PAPLN: variants seen among roughly 807,000 people sequenced by gnomAD.
PAPLN encodes papilin.
A neutral mutation model predicts 159.0 loss-of-function variants in PAPLN; 146 were observed. That is an observed-to-expected ratio of 0.92 (90% CI 0.80 to 1.05). PAPLN has a LOEUF of 1.05. Among genes scored for constraint, PAPLN ranks in the 50% least tolerant of loss-of-function variants. The pLI, the probability that PAPLN is intolerant of heterozygous loss-of-function variation, is 0.00. For missense variants in PAPLN, 1,720 were observed against 1,743.9 expected (o/e 0.99, Z 0.24); for synonymous variants, 734 against 702.9 (o/e 1.04, Z -0.70).
At chr14:73,254,142 C>T (rs947651748) in intron 12 of PAPLN, among the ~76,000 whole-genome samples, 181 bp downstream of exon 12, 2 of 152,182 alleles carry the variant, frequency 1.3e-5, no homozygotes, top group African/African-American at 4.8e-5. Flanking sequence ...TGGTCCAGGG[C>T]TCTTCCTTTT....
intron 14 of PAPLN, 95 bp downstream of exon 14, chr14:73,255,113 G>A (rs1885752852): frequency 3.4e-6 from 5 of 1,471,764 alleles, no homozygotes; most frequent in Non-Finnish European, 4.6e-6. Flanking sequence ...GCCTCTGCCT[G>A]CACTGTGTCA....
At chr14:73,247,889 CGT>C (rs71112721) in intron 5 of PAPLN, among the ~76,000 whole-genome samples, 1,137 of 19,780 alleles carry the variant, frequency 0.057, 39 homozygotes, top group Non-Finnish European at 0.066. Context: ...TCATATCCTC[CGT>C]GTGTGTGTGT....
At chr14:73,246,638 C>T (rs1290014600) in intron 5 of PAPLN, among the ~76,000 whole-genome samples, 33 of 123,298 alleles carry the variant, frequency 2.7e-4, no homozygotes, top group South Asian at 5.3e-4. Context: ...CTTTTTCTTT[C>T]TTTCTTTTTT....
In PAPLN at chr14:73,265,012, TG is replaced by T. The variant is rs962857715; in HGVS notation, c.3125+288del. ...GGCTTCTTTGAGGAGCGTCTTGAGC[TG>T]GCCTTGAGGAATGGTTCAGTTTACA... On this transcript the variant is annotated intron_variant, in intron 22 of 26. Transcript: ENST00000644200. The surrounding 1 kb of genome is among the most constrained non-coding windows in gnomAD (Gnocchi z 4.1). Among the ~76,000 whole-genome samples the T allele has an allele frequency of 4.6e-5, 7 of 151,978 alleles. No homozygotes were observed. Among genetic ancestry groups the T allele is most frequent in the African/African-American group, 1.7e-4 (7 of 41,346 alleles).
rs1887849373 is a variant in PAPLN, at chr14:73,272,703, A to G, written c.*39A>G. The G allele has an allele frequency of 6.7e-7, 1 of 1,497,000 alleles. No homozygotes were observed. The highest frequency in any genetic ancestry group is 1.4e-5 in the African/African-American group (1 of 72,520). The allele number at this position is 1,497,000 out of a possible 1,614,324, so 92.7% of individuals were successfully genotyped here. ...TTCCAGCCCCAGTCCAAAATAGTTC[A>G]TAGGGCTAGGGAGAAAGGAAGATGG... On this transcript the variant is annotated 3_prime_UTR_variant, in exon 27 of 27. Coordinates refer to ENST00000644200, the MANE Select transcript of PAPLN (RefSeq NM_001365906.3).
chr14:73,263,798 C>G lies in PAPLN; in HGVS notation c.2861+16C>G. 1 of 1,594,422 alleles carries G rather than the reference C, an allele frequency of 6.3e-7. No homozygotes were observed. The highest frequency in any genetic ancestry group is 1.7e-5 in the Admixed American group (1 of 59,374). ...CCTCTGACAGGTGGGTGAGAGTCCCCCCACCTCCTCTGACAGGTGTGACAG... is the reference window on the plus strand; with the variant it reads ...CCTCTGACAGGTGGGTGAGAGTCCCGCCACCTCCTCTGACAGGTGTGACAG... On this transcript the variant is annotated intron_variant, in intron 20 of 26. Coordinates refer to ENST00000644200, the MANE Select transcript of PAPLN (RefSeq NM_001365906.3).
intron 7 of PAPLN, 83 bp downstream of exon 7, chr14:73,251,113 C>T: frequency 6.6e-7 from 1 of 1,525,626 alleles, no homozygotes; most frequent in Non-Finnish European, 8.8e-7. Context: ...CTGGCCTAGA[C>T]TCCAGGCCAA....
chr14:73,260,010 G>A (rs1381474224), intron 16 of PAPLN, among the ~76,000 whole-genome samples: 1 of 152,108 alleles, frequency 6.6e-6, no homozygotes, highest in Non-Finnish European at 1.5e-5. Context: ...TCTATGGCCT[G>A]CCCTGAACGC....
chr14:73,271,432 G>A (rs1311060796), intron 26 of PAPLN, among the ~76,000 whole-genome samples: 1 of 152,054 alleles, frequency 6.6e-6, no homozygotes, highest in Non-Finnish European at 1.5e-5. Context: ...TTCAGGGAAG[G>A]TACCACTCTG....
At chr14:73,264,146 G>A in intron 20 of PAPLN, 65 bp from the exon 21 acceptor site, 2 of 1,606,800 alleles carry the variant, frequency 1.2e-6, no homozygotes, top group Non-Finnish European at 1.7e-6. Flanking sequence ...CACCGAGGCG[G>A]AGGGAAGACT....
At chr14:73,262,274 C>A in intron 18 of PAPLN, 76 bp from the exon 19 acceptor site, 2 of 1,396,166 alleles carry the variant, frequency 1.4e-6, no homozygotes, top group Non-Finnish European at 2.0e-6. Flanking sequence ...CTTCCTGAGT[C>A]GGAGGCTGAG....
At position 73,274,555 on chromosome 14, in the gene PAPLN, A is replaced by G. The variant is rs571143430; in HGVS notation, c.*1891A>G. 1 of 152,340 alleles carries G rather than the reference A, an allele frequency of 6.6e-6. No homozygotes were observed. The highest frequency in any genetic ancestry group is 1.5e-5 in the Non-Finnish European group (1 of 68,026). The allele number at this position is 152,340 out of a possible 1,614,324, so 9.4% of individuals were successfully genotyped here. On this transcript the variant is annotated 3_prime_UTR_variant, in exon 27 of 27. Coordinates refer to ENST00000644200, the MANE Select transcript of PAPLN (RefSeq NM_001365906.3). ...TCATTTAATACTGGAAAAATATTGA[A>G]GAGCATCCATGTTCACTTATGGCTG... is the stretch of plus-strand genomic sequence containing the variant.
At position 73,266,830 on chromosome 14, in the gene PAPLN, A is replaced by C. The variant is rs753136725; in HGVS notation, c.3499A>C (p.Arg1167=). The C allele has an allele frequency of 1.2e-6, 2 of 1,608,936 alleles. No individual in the cohort carries two copies. Among genetic ancestry groups the C allele is most frequent in the Non-Finnish European group, 8.5e-7 (1 of 1,177,472 alleles). The change falls in exon 25 of 27, where the codon AGG becomes CGG. Residue 1167 remains arginine (R), a splice_region_variant and synonymous_variant. Coordinates refer to ENST00000644200, the MANE Select transcript of PAPLN (RefSeq NM_001365906.3). ...AGAAAGTGTGAACATCAGGTGGTCC[A>C]GGTAAAGGCTCTATTCCAAGTTGTC... is the stretch of plus-strand genomic sequence containing the variant. ...AGESVNIRWS[R]NGLPVQADGH...
intron 22 of PAPLN, among the ~76,000 whole-genome samples, chr14:73,264,992 C>G (rs980347082): frequency 6.6e-6 from 1 of 152,168 alleles, no homozygotes; most frequent in Non-Finnish European, 1.5e-5. Context: ...GAGCCGGCTT[C>G]TTTGAGGAGC....
At chr14:73,250,578 G>A (rs962930821) in intron 6 of PAPLN, among the ~76,000 whole-genome samples, 1 of 152,154 alleles carries the variant, frequency 6.6e-6, no homozygotes, top group Admixed American at 6.5e-5. Context: ...GCCACCGGGG[G>A]TTGTCTCTGA....
chr14:73,239,928 G>A lies in PAPLN; in HGVS notation c.54+96G>A, dbSNP rs1883357307. 17 of 1,460,440 alleles carry A rather than the reference G, an allele frequency of 1.2e-5. 1 individual carries two copies. In the South Asian group the frequency reaches 2.3e-4, roughly 20 times the overall value. 90.5% of individuals were successfully genotyped at this position (1,460,440 alleles called of 1,614,324 possible). Reference sequence around the variant, plus strand: ...CAGGCAACGTCCCCAGGAAAGGGGCGATGTCAGGGAAGCTGGGCTGGGAGG... The same window carrying A: ...CAGGCAACGTCCCCAGGAAAGGGGCAATGTCAGGGAAGCTGGGCTGGGAGG... On this transcript the variant is annotated intron_variant, in intron 2 of 26. Transcript: ENST00000644200.
chr14:73,261,306 C>T lies in PAPLN; in HGVS notation c.2245+12C>T, dbSNP rs177388. ...CCAGCCCAGCCATGGTGAGTGGACACCCCCTCTCCTCCTTCTCGATGGGTA... is the reference window on the plus strand; with the variant it reads ...CCAGCCCAGCCATGGTGAGTGGACATCCCCTCTCCTCCTTCTCGATGGGTA... On this transcript the variant is annotated intron_variant, in intron 18 of 26. Transcript: ENST00000644200. 0.034 allele frequency: 54,389 copies of T among 1,612,600 alleles called. 1,373 individuals are homozygous for T. Among genetic ancestry groups the T allele is most frequent in the African/African-American group, 0.12 (8,734 of 74,976 alleles).
Position 73,262,351 on chromosome 14 carries a change from C to T in PAPLN, c.2247C>T (p.Ala749=). The T allele has an allele frequency of 6.2e-7, 1 of 1,608,886 alleles. No homozygotes were observed. The highest frequency in any genetic ancestry group is 1.1e-5 in the South Asian group (1 of 90,466). ...GEGCVGQPSH[A]YPVRCLLPSA... is the part of the protein sequence containing the mutation. ...TTATATCACACCCATGCCCTGCAGC[C>T]TACCCCGTGCGGTGCCTGCTGCCCA... Residue 749 remains alanine, a splice_region_variant and synonymous_variant, in exon 19 of 27, where the codon GCC becomes GCT. Coordinates refer to ENST00000644200, the MANE Select transcript of PAPLN (RefSeq NM_001365906.3).
intron 5 of PAPLN, among the ~76,000 whole-genome samples, chr14:73,247,984 CTGTGTGTGTGTGTGTG>C (rs60942606): frequency 0.032 from 619 of 19,374 alleles, 11 homozygotes; most frequent in Middle Eastern, 0.05. Context: ...CTCATATCCT[CTGTGTGTGTGTGTGTG>C]TGTGTGTGTG....
Sources: allele counts gnomAD v4.1 joint callset (sites outside exome capture counted in the v4.1 genomes callset), GRCh38; gene constraint gnomAD v4.1.1; non-coding constraint Gnocchi (gnomAD v3.1); transcripts MANE v1.5; gene names NCBI Gene and HGNC (gene_info 2026-07-23, HGNC 2026-07-21).